Variants in PVT1 observed in about 807,000 individuals in gnomAD.
PVT1 encodes the protein CXCR4/PVT1 fusion.
intron 4 of PVT1, among the ~76,000 whole-genome samples, chr8:128,034,449 G>A (rs891069027): frequency 7.9e-5 from 12 of 152,132 alleles, no homozygotes; most frequent in African/African-American, 2.9e-4. Context: ...CCAGGGCTTC[G>A]CTCTGGTCCA....
intron 2 of PVT1, among the ~76,000 whole-genome samples, chr8:127,890,420 G>T (rs1815586302): frequency 6.6e-6 from 1 of 152,234 alleles, no homozygotes. Flanking sequence ...GCTCTCACCT[G>T]AAGGCCTCCC....
intron 4 of PVT1, among the ~76,000 whole-genome samples, chr8:128,052,690 G>C (rs1451218031): frequency 6.6e-6 from 1 of 152,150 alleles, no homozygotes. Flanking sequence ...ATCCTGTAAG[G>C]GGAAGAATGA....
chr8:127,967,643 T>C (rs942611676), intron 3 of PVT1, among the ~76,000 whole-genome samples: 1 of 152,244 alleles, frequency 6.6e-6, no homozygotes, highest in African/African-American at 2.4e-5. Context: ...TTTCCCAGCC[T>C]ACTTTGAGCC....
intron 2 of PVT1, among the ~76,000 whole-genome samples, chr8:127,867,659 C>T (rs1442059864): frequency 1.3e-5 from 2 of 152,138 alleles, no homozygotes; most frequent in African/African-American, 4.8e-5. Context: ...GAGGATAGCC[C>T]CTGTGGCTGT....
chr8:127,847,927 A>G (rs886315031), intron 2 of PVT1, among the ~76,000 whole-genome samples: 1 of 151,772 alleles, frequency 6.6e-6, no homozygotes, highest in Admixed American at 6.6e-5. Flanking sequence ...TTTCAGAGAT[A>G]AGGTTTCACT....
At chr8:127,919,181 A>G (rs371011099) in intron 3 of PVT1, among the ~76,000 whole-genome samples, 5 of 151,912 alleles carry the variant, frequency 3.3e-5, no homozygotes, top group African/African-American at 1.2e-4. Context: ...TGGCTTGTTT[A>G]TTTTCTAATG....
chr8:127,941,268 T>TG (rs1478980199), intron 3 of PVT1, among the ~76,000 whole-genome samples: 1 of 152,244 alleles, frequency 6.6e-6, no homozygotes, highest in African/African-American at 2.4e-5. Context: ...GTGATTGGAC[T>TG]GGGGCCACCC....
intron 3 of PVT1, among the ~76,000 whole-genome samples, chr8:127,955,764 C>A (rs557764027): frequency 6.6e-6 from 1 of 151,938 alleles, no homozygotes; most frequent in South Asian, 2.1e-4. Flanking sequence ...TTTTTATTTT[C>A]AGTAGGAATG....
intron 2 of PVT1, among the ~76,000 whole-genome samples, chr8:127,870,284 C>G (rs1347581883): frequency 6.6e-6 from 1 of 152,168 alleles, no homozygotes; most frequent in African/African-American, 2.4e-5. Context: ...GACACAGCTA[C>G]AAGCCAAGGA....
intron 4 of PVT1, among the ~76,000 whole-genome samples, chr8:127,994,607 A>G (rs935043395): frequency 1.3e-5 from 2 of 152,240 alleles, no homozygotes; most frequent in African/African-American, 2.4e-5. Context: ...TGATATTTAT[A>G]TCTATATCTA....
At chr8:128,078,664 T>C (rs1348985745) in intron 5 of PVT1, among the ~76,000 whole-genome samples, 1 of 152,264 alleles carries the variant, frequency 6.6e-6, no homozygotes, top group Non-Finnish European at 1.5e-5. Flanking sequence ...AGACCTCATA[T>C]ATATTTTTAG....
intron 2 of PVT1, among the ~76,000 whole-genome samples, chr8:127,864,903 A>G (rs1178056593): frequency 6.6e-6 from 1 of 152,178 alleles, no homozygotes; most frequent in Admixed American, 6.5e-5. Flanking sequence ...CTAGAGATAG[A>G]GGTCCTCTTG....
intron 2 of PVT1, among the ~76,000 whole-genome samples, chr8:127,809,667 T>G (rs908515479): frequency 3.3e-5 from 5 of 152,142 alleles, no homozygotes; most frequent in African/African-American, 1.2e-4. Flanking sequence ...TCCCATTTTT[T>G]CAAAAGGAAA....
intron 5 of PVT1, among the ~76,000 whole-genome samples, chr8:128,088,445 G>T (rs531087078): frequency 1.3e-5 from 2 of 152,292 alleles, no homozygotes; most frequent in East Asian, 3.9e-4. Context: ...AGATGTTGGG[G>T]CAGGGGTTGG....
At chr8:127,836,048 T>G (rs1814905409) in intron 2 of PVT1, among the ~76,000 whole-genome samples, 1 of 152,206 alleles carries the variant, frequency 6.6e-6, no homozygotes, top group African/African-American at 2.4e-5. Context: ...ATTCTCATCC[T>G]AACTTCAATA....
chr8:128,085,900 A>G (rs1814250003), intron 5 of PVT1, among the ~76,000 whole-genome samples: 1 of 152,222 alleles, frequency 6.6e-6, no homozygotes, highest in Non-Finnish European at 1.5e-5. Context: ...ATTAAAGCAA[A>G]TGTACCTTTG....
intron 3 of PVT1, chr8:127,947,712 G>T (rs1276737033): frequency 6.6e-6 from 3 of 456,442 alleles, no homozygotes; most frequent in Non-Finnish European, 1.3e-5. Flanking sequence ...CCCACCAGAG[G>T]CTGGGTCTGT....
At chr8:127,815,367 C>T (rs2129668770) in intron 2 of PVT1, among the ~76,000 whole-genome samples, 1 of 152,298 alleles carries the variant, frequency 6.6e-6, no homozygotes, top group Non-Finnish European at 1.5e-5. Context: ...CCATTTAACT[C>T]TTTGTTTTGT....
chr8:127,913,809 G>A (rs1159347137), intron 3 of PVT1, among the ~76,000 whole-genome samples: 1 of 152,058 alleles, frequency 6.6e-6, no homozygotes, highest in African/African-American at 2.4e-5. Flanking sequence ...TTCCTCGAAA[G>A]TGCCGTTTCC....
Sources: gnomAD v4.1 joint callset for allele counts (sites outside exome capture counted in the v4.1 genomes callset) on GRCh38, gnomAD v4.1.1 for gene constraint, MANE v1.5 for transcripts, NCBI Gene and HGNC (gene_info 2026-07-23, HGNC 2026-07-21) for gene names.